Variants in ABCC1 observed in about 807,000 individuals in gnomAD.
The protein encoded by ABCC1 is multidrug resistance-associated protein 1.
A neutral mutation model predicts 172.9 loss-of-function variants in ABCC1; 83 were observed. That is an observed-to-expected ratio of 0.48 (90% CI 0.40 to 0.58). ABCC1 has a LOEUF of 0.58. ABCC1 is among the 20% of genes least tolerant of loss of function. The probability of loss-of-function intolerance (pLI) is 0.00; values close to 1 mark genes in which losing one functional copy is unlikely to be tolerated. For synonymous variants in ABCC1, 937 were observed against 825.2 expected, an observed-to-expected ratio of 1.14 and a Z score of -2.32; for missense variants, 1,817 against 2,002.7, an observed-to-expected ratio of 0.91 and a Z score of 1.77.
At chr16:16,014,737 G>T in intron 4 of ABCC1, 109 bp downstream of exon 4, 1 of 1,328,246 alleles carries the variant, frequency 7.5e-7, no homozygotes, top group Admixed American at 2.0e-5. Flanking sequence ...ACCAGGGGCT[G>T]GGTACCACAT....
chr16:15,986,407 C>T (rs1336447569), intron 1 of ABCC1, among the ~76,000 whole-genome samples: 2 of 152,186 alleles, frequency 1.3e-5, no homozygotes, highest in Non-Finnish European at 2.9e-5. Flanking sequence ...GCAACAGGAG[C>T]TGAGTGGCGG....
intron 1 of ABCC1, among the ~76,000 whole-genome samples, chr16:15,959,451 A>C (rs1288185381): frequency 6.6e-6 from 1 of 152,042 alleles, no homozygotes; most frequent in Non-Finnish European, 1.5e-5. Flanking sequence ...TTAGCCTCCC[A>C]GGTAGCTGGG....
At position 16,052,229 on chromosome 16, in the gene ABCC1, G is replaced by A. The variant is rs371820739; in HGVS notation, c.1381-495G>A. Among the ~76,000 whole-genome samples, 8 of 152,172 alleles carry A rather than the reference G, an allele frequency of 5.3e-5. No homozygotes were observed. In the East Asian group the frequency reaches 9.7e-4, roughly 18 times the overall value. On this transcript the variant is annotated intron_variant, in intron 10 of 30. Coordinates refer to ENST00000399410, the MANE Select transcript of ABCC1 (RefSeq NM_004996.4). ...AAACCAAAAAAATTAGCTGGGCATGGTGATGTGACTAGTCACAGCTACTTG... is the reference window on the plus strand; with the variant it reads ...AAACCAAAAAAATTAGCTGGGCATGATGATGTGACTAGTCACAGCTACTTG...
At chr16:15,989,653 G>T (rs1243178216) in intron 1 of ABCC1, among the ~76,000 whole-genome samples, 3 of 152,006 alleles carry the variant, frequency 2.0e-5, no homozygotes, top group Non-Finnish European at 4.4e-5. Context: ...TCCTTGGTTG[G>T]TTGTGCAGAA....
chr16:16,068,241 T>A lies in ABCC1; in HGVS notation c.1763T>A (p.Leu588Ter), dbSNP rs1567367683. 6.2e-7 allele frequency: 1 copy of A among 1,614,154 alleles called. No individual in the cohort carries two copies. The highest frequency in any genetic ancestry group is 8.5e-7 in the Non-Finnish European group (1 of 1,180,030). ...CAGACAGCCTTCGTGTCTTTGGCCT[T>A]GTTCAACATCCTCCGGTTTCCCCTG... ...DAQTAFVSLA[L>*]FNILRFPLNI... Residue 588 changes from leucine (L) to a stop codon, truncating the protein, a stop_gained, in exon 13 of 31, where the codon TTG becomes TAG. Transcript: ENST00000399410. LOFTEE classifies it high-confidence loss of function.
At chr16:16,124,751 C>G in intron 24 of ABCC1, 38 bp from the exon 25 acceptor site, 1 of 1,613,438 alleles carries the variant, frequency 6.2e-7, no homozygotes, top group Non-Finnish European at 8.5e-7. Context: ...GTAGAGCTGA[C>G]TCCATGCCTG....
intron 1 of ABCC1, among the ~76,000 whole-genome samples, chr16:15,966,729 C>T (rs2046252296): frequency 6.6e-6 from 1 of 151,112 alleles, no homozygotes; most frequent in Admixed American, 6.6e-5. Context: ...TGGCTCACTG[C>T]AGCCTTGAAC....
chr16:16,083,241 C>CA (rs2050873863), intron 16 of ABCC1, 125 bp from the exon 17 acceptor site: 2 of 972,652 alleles, frequency 2.1e-6, no homozygotes, highest in African/African-American at 3.2e-5. Context: ...CTTGCCAAAG[C>CA]AATAGTTGTG....
chr16:16,127,916 GT>G (rs371440132), intron 26 of ABCC1, among the ~76,000 whole-genome samples: 17,903 of 128,330 alleles, frequency 0.14, 1,135 homozygotes, highest in African/African-American at 0.19. Flanking sequence ...ATTTCATTAG[GT>G]TTTTTTTTTT....
chr16:16,100,380 G>C (rs2051677133), intron 19 of ABCC1, among the ~76,000 whole-genome samples: 1 of 152,118 alleles, frequency 6.6e-6, no homozygotes, highest in East Asian at 1.9e-4. Flanking sequence ...GGCTCTCTGC[G>C]GCATGCAGCC....
chr16:16,074,259 C>T (rs2050468358), intron 14 of ABCC1, among the ~76,000 whole-genome samples: 1 of 152,100 alleles, frequency 6.6e-6, no homozygotes, highest in South Asian at 2.1e-4. Context: ...CCAGATGTGC[C>T]TTGAGGGACA....
intron 7 of ABCC1, among the ~76,000 whole-genome samples, chr16:16,037,273 C>T (rs547261313): frequency 6.6e-6 from 1 of 152,204 alleles, no homozygotes; most frequent in South Asian, 2.1e-4. Flanking sequence ...CCCAGCTGAC[C>T]ACGTAAGTCT....
intron 1 of ABCC1, among the ~76,000 whole-genome samples, chr16:15,972,014 C>T (rs545578978): frequency 2.0e-5 from 3 of 152,248 alleles, no homozygotes; most frequent in South Asian, 2.1e-4. Context: ...AAATAACATG[C>T]GTTGAGGTCA....
chr16:16,135,458 T>TC (rs1385730326), intron 28 of ABCC1, among the ~76,000 whole-genome samples: 2 of 151,278 alleles, frequency 1.3e-5, no homozygotes, highest in African/African-American at 4.8e-5. Flanking sequence ...TCTTTCTCTT[T>TC]TCTTTTTTTT....
At chr16:16,111,330 G>GGGGCTC (rs2052379354) in intron 21 of ABCC1, 45 bp from the exon 22 acceptor site, 1 of 1,560,908 alleles carries the variant, frequency 6.4e-7, no homozygotes, top group Non-Finnish European at 8.8e-7. Context: ...GGCTGGGGCT[G>GGGGCTC]GGTGCGTGCA....
chr16:16,105,708 T>TC (rs2052055243), intron 20 of ABCC1, among the ~76,000 whole-genome samples: 1 of 139,688 alleles, frequency 7.2e-6, no homozygotes, highest in African/African-American at 2.8e-5. Flanking sequence ...TCTTTTCTTT[T>TC]CTTTTCTTTT....
chr16:16,008,597 G>A (rs2047648477), intron 2 of ABCC1, among the ~76,000 whole-genome samples: 1 of 151,696 alleles, frequency 6.6e-6, no homozygotes, highest in South Asian at 2.1e-4. Context: ...GCTCACGCCT[G>A]TAATCCCAGC....
chr16:15,951,770 A>G (rs913456623), intron 1 of ABCC1, among the ~76,000 whole-genome samples: 5 of 151,928 alleles, frequency 3.3e-5, no homozygotes, highest in Non-Finnish European at 7.4e-5. Context: ...GCTTACTGCA[A>G]TCTCTGCCTC....
chr16:16,123,629 A>G (rs777251898), intron 24 of ABCC1, among the ~76,000 whole-genome samples: 3 of 152,010 alleles, frequency 2.0e-5, no homozygotes, highest in African/African-American at 4.8e-5. Context: ...CTCTATCTGA[A>G]GAAATAATAG....
Sources: allele counts gnomAD v4.1 joint callset (sites outside exome capture counted in the v4.1 genomes callset), GRCh38; gene constraint gnomAD v4.1.1; transcripts MANE v1.5; gene names NCBI Gene and HGNC (gene_info 2026-07-23, HGNC 2026-07-21).